NINL: variants seen among roughly 807,000 people sequenced by gnomAD.
NINL encodes ninein like, also known as ninein-like protein.
Under a neutral mutation model 160.3 loss-of-function variants are expected in NINL, and 153 were observed. That is an observed-to-expected ratio of 0.95 (90% CI 0.84 to 1.09). NINL has a LOEUF of 1.09. Among genes scored for constraint, NINL ranks in the 50% least tolerant of loss-of-function variants. The pLI is 0.00. For synonymous variants in NINL, 800 were observed against 734.8 expected (o/e 1.09, Z -1.43); for missense variants, 1,829 against 1,764.0 (o/e 1.04, Z -0.66).
chr20:25,523,416 T>C (rs141642223), intron 2 of NINL, among the ~76,000 whole-genome samples: 1 of 151,808 alleles, frequency 6.6e-6, no homozygotes, highest in Non-Finnish European at 1.5e-5. Context: ...CACATCCAGC[T>C]ACCTTTAAGA....
In NINL at chr20:25,476,333, C is replaced by A; in HGVS notation, c.2958G>T (p.Trp986Cys). ...QAIQEERARSWSRGTQEQASE... is the reference protein window; with the variant it reads ...QAIQEERARSCSRGTQEQASE... ...AGGCCTGCTCCTGGGTGCCCCTGCTCCAGCTTCGTGCTCGCTCTTCCTGAA... is the reference window on the plus strand; with the variant it reads ...AGGCCTGCTCCTGGGTGCCCCTGCTACAGCTTCGTGCTCGCTCTTCCTGAA... Residue 986 changes from tryptophan to cysteine, a missense_variant, in exon 17 of 24, where the codon TGG (tryptophan) becomes TGT (cysteine). Physicochemically the swap from Trp to Cys is radical, Grantham distance 215. Coordinates refer to ENST00000278886, the MANE Select transcript of NINL (RefSeq NM_025176.6). The A allele has an allele frequency of 6.2e-7, 1 of 1,612,782 alleles. No homozygotes were observed.
chr20:25,549,114 G>A (rs1259823428), intron 1 of NINL, among the ~76,000 whole-genome samples: 7 of 32,176 alleles, frequency 2.2e-4, no homozygotes, highest in Admixed American at 7.1e-4. Context: ...GCCTGACCCC[G>A]GCACCCACGG....
chr20:25,469,941 G>C (rs199690221), intron 18 of NINL, 50 bp downstream of exon 18: 1 of 1,326,970 alleles, frequency 7.5e-7, no homozygotes, highest in Non-Finnish European at 1.1e-6. Context: ...GTCACTCTAC[G>C]GAGGGCAAAA....
At chr20:25,520,621 G>T (rs990869543) in intron 2 of NINL, among the ~76,000 whole-genome samples, 1 of 152,124 alleles carries the variant, frequency 6.6e-6, no homozygotes, top group Admixed American at 6.5e-5. Flanking sequence ...TCTCACAGAG[G>T]CATTCTTTCA....
intron 3 of NINL, among the ~76,000 whole-genome samples, chr20:25,514,860 G>C (rs915587098): frequency 6.6e-6 from 1 of 152,254 alleles, no homozygotes; most frequent in African/African-American, 2.4e-5. Flanking sequence ...CCTGCAGGTG[G>C]ACGGAGGGCA....
chr20:25,458,740 AGT>A, intron 21 of NINL: 4 of 553,044 alleles, frequency 7.2e-6, no homozygotes, highest in Non-Finnish European at 6.3e-6. Flanking sequence ...ACAGTGCTAG[AGT>A]GCAGAAAACA....
chr20:25,496,567 G>A lies in NINL; in HGVS notation c.1310+96C>T, dbSNP rs529763810. 1.1e-4 allele frequency: 156 copies of A among 1,471,908 alleles called. 1 individual carries two copies. The African/African-American group carries it at 1.7e-3, about 16-fold the overall frequency. The allele number at this position is 1,471,908 out of a possible 1,614,324, so 91.2% of individuals were successfully genotyped here. On this transcript the variant is annotated intron_variant, in intron 10 of 23. Coordinates refer to ENST00000278886, the MANE Select transcript of NINL (RefSeq NM_025176.6). ...GGGGGGTCTCCACTGAGCCACACCCGCAGCTCTGGCCCCTGGCAGCCCTGT... is the reference window on the plus strand; with the variant it reads ...GGGGGGTCTCCACTGAGCCACACCCACAGCTCTGGCCCCTGGCAGCCCTGT...
chr20:25,467,426 T>G lies in NINL; in HGVS notation c.3386A>C (p.Glu1129Ala). The G allele has an allele frequency of 3.1e-6, 5 of 1,614,154 alleles. No individual in the cohort carries two copies. The highest frequency in any genetic ancestry group is 4.2e-6 in the Non-Finnish European group (5 of 1,179,956). The change falls in exon 19 of 24, where the codon GAA (glutamate) becomes GCA (alanine). Residue 1129 changes from glutamate (E) to alanine (A), a missense_variant. By Grantham distance (107) the Glu-to-Ala change is moderately radical (BLOSUM62 -1). Coordinates refer to ENST00000278886, the MANE Select transcript of NINL (RefSeq NM_025176.6). ...CACCTCCATCTCAGAGCAGGCCTTT[T>G]CCTTGTCTTTCTTTAAAACCTCAAT... ...KEIEVLKKDK[E>A]KACSEMEVLN...
intron 1 of NINL, among the ~76,000 whole-genome samples, chr20:25,561,326 C>G (rs956015900): frequency 6.6e-6 from 1 of 152,196 alleles, no homozygotes; most frequent in Admixed American, 6.5e-5. Flanking sequence ...GACGGAGTCT[C>G]GTTAACTCAG....
At chr20:25,547,039 T>C (rs1192515119) in intron 1 of NINL, among the ~76,000 whole-genome samples, 1 of 152,226 alleles carries the variant, frequency 6.6e-6, no homozygotes, top group Non-Finnish European at 1.5e-5. Flanking sequence ...CCTCATGTGA[T>C]ACTGTGGTGT....
chr20:25,555,756 C>G (rs1358456506), intron 1 of NINL, among the ~76,000 whole-genome samples: 1 of 152,186 alleles, frequency 6.6e-6, no homozygotes. Flanking sequence ...CTCACTGCAA[C>G]TTCCACCTCC....
At chr20:25,453,712 T>C in intron 23 of NINL, 70 bp from the exon 24 acceptor site, 1 of 1,418,602 alleles carries the variant, frequency 7.0e-7, no homozygotes, top group Non-Finnish European at 9.6e-7. Flanking sequence ...CCTGCTCTCT[T>C]TTATCCTCCC....
chr20:25,519,989 CAAAAAAAAA>C (rs59160061), intron 2 of NINL, among the ~76,000 whole-genome samples: 131 of 12,100 alleles, frequency 0.011, no homozygotes, highest in African/African-American at 0.023. Flanking sequence ...GACCCCGTCT[CAAAAAAAAA>C]AAAAAAAAAA....
chr20:25,525,766 TAAG>T (rs1315530268), intron 2 of NINL, among the ~76,000 whole-genome samples: 3 of 152,218 alleles, frequency 2.0e-5, no homozygotes, highest in African/African-American at 7.2e-5. Context: ...CAGGCATGTT[TAAG>T]AAGTAGGAAT....
At chr20:25,485,179 A>G (rs2063483023) in intron 13 of NINL, among the ~76,000 whole-genome samples, 1 of 152,238 alleles carries the variant, frequency 6.6e-6, no homozygotes, top group African/African-American at 2.4e-5. Context: ...CACTGAGGGA[A>G]GCAGAACTCG....
chr20:25,516,850 G>A (rs1038081809), intron 3 of NINL, among the ~76,000 whole-genome samples: 2 of 152,140 alleles, frequency 1.3e-5, no homozygotes, highest in East Asian at 1.9e-4. Context: ...AAGGAGCGGG[G>A]TCTGGCAACA....
chr20:25,547,653 T>A (rs2064752367), intron 1 of NINL, among the ~76,000 whole-genome samples: 1 of 152,220 alleles, frequency 6.6e-6, no homozygotes, highest in African/African-American at 2.4e-5. Context: ...AGAAGTGTTC[T>A]GCTGAGTAGA....
At chr20:25,488,220 GC>G (rs1350011363) in intron 13 of NINL, among the ~76,000 whole-genome samples, 1 of 152,116 alleles carries the variant, frequency 6.6e-6, no homozygotes, top group Non-Finnish European at 1.5e-5. Context: ...TGACTTCCTT[GC>G]GCTCATTCTC....
At chr20:25,532,742 G>A (rs2064488364) in intron 1 of NINL, among the ~76,000 whole-genome samples, 1 of 152,242 alleles carries the variant, frequency 6.6e-6, no homozygotes, top group African/African-American at 2.4e-5. Flanking sequence ...AGACCTTTCT[G>A]TGACAATTTG....
Sources: allele counts gnomAD v4.1 joint callset (sites outside exome capture counted in the v4.1 genomes callset), GRCh38; gene constraint gnomAD v4.1.1; transcripts MANE v1.5; gene names NCBI Gene and HGNC (gene_info 2026-07-23, HGNC 2026-07-21).